PCDHGA3: variants seen among roughly 807,000 people sequenced by gnomAD.
PCDHGA3 encodes protocadherin gamma subfamily A, 3, also known as protocadherin gamma-A3.
A neutral mutation model predicts 58.5 loss-of-function variants in PCDHGA3; 40 were observed. The ratio of observed to expected loss-of-function variants is 0.68; its 90% CI spans 0.53 to 0.89. The LOEUF (loss-of-function observed/expected upper bound fraction) is 0.89. Among genes scored for constraint, PCDHGA3 ranks in the 40% least tolerant of loss-of-function variants. The pLI, the probability that PCDHGA3 is intolerant of heterozygous loss-of-function variation, is 0.00. For missense variants in PCDHGA3, 1,223 were observed against 1,195.9 expected (o/e 1.02, Z -0.33); for synonymous variants, 530 against 525.7 (o/e 1.01, Z -0.11).
Position 141,371,259 on chromosome 5 carries a change from A to T in PCDHGA3, c.2424+24802A>T, listed in dbSNP as rs767414793. 5 of 1,613,926 alleles carry T rather than the reference A, an allele frequency of 3.1e-6. No individual in the cohort carries two copies. In the African/African-American group the frequency reaches 6.7e-5, roughly 22 times the overall value. ...CTTCATCAATATTGGCAAGGAAGTG[A>T]GACAACTGTTCAAGCTGGACAGTAA... On this transcript the variant is annotated intron_variant, in intron 1 of 3. Transcript: ENST00000253812.
At chr5:141,454,964 C>T (rs1283179107) in intron 1 of PCDHGA3, among the ~76,000 whole-genome samples, 10 of 151,622 alleles carry the variant, frequency 6.6e-5, no homozygotes, top group African/African-American at 2.4e-4. Flanking sequence ...CCGGCCACCA[C>T]GCCTGGCTAA....
At chr5:141,388,632 A>C in intron 1 of PCDHGA3, 1 of 1,613,958 alleles carries the variant, frequency 6.2e-7, no homozygotes, top group Non-Finnish European at 8.5e-7. Context: ...ATACAGGGTG[A>C]GCCTTTCAGA....
chr5:141,399,026 A>C (rs1448827116), intron 1 of PCDHGA3: 1 of 1,613,886 alleles, frequency 6.2e-7, no homozygotes, highest in East Asian at 2.2e-5. Flanking sequence ...ATTACCACTC[A>C]AAAGAAACTG....
rs1271015462 is a variant in PCDHGA3, at chr5:141,344,790, G to A, written c.757G>A (p.Glu253Lys). Residue 253 changes from glutamate to lysine, a missense_variant, in exon 1 of 4, where the codon GAG (glutamate) becomes AAG (lysine). By Grantham distance (56) the Glu-to-Lys change is moderately conservative. Around this residue, in one of 3 missense-constraint regions of PCDHGA3, gnomAD observed 791 missense variants for 708.5 expected, o/e 1.12. Transcript: ENST00000253812. ...TQPEYRVSVW[E>K]NVPVGTRLLT... ...GCCTGAGTACCGTGTGAGTGTTTGGGAGAACGTGCCTGTGGGTACCCGGCT... is the reference window on the plus strand; with the variant it reads ...GCCTGAGTACCGTGTGAGTGTTTGGAAGAACGTGCCTGTGGGTACCCGGCT... The A allele has an allele frequency of 1.9e-6, 3 of 1,613,972 alleles. No individual in the cohort carries two copies. The highest frequency in any genetic ancestry group is 2.5e-6 in the Non-Finnish European group (3 of 1,179,890).
chr5:141,445,973 G>A (rs563637331), intron 1 of PCDHGA3, among the ~76,000 whole-genome samples: 28 of 152,326 alleles, frequency 1.8e-4, no homozygotes, highest in African/African-American at 6.0e-4. Flanking sequence ...ATTGATTTAT[G>A]AGGGTTATAA....
intron 1 of PCDHGA3, chr5:141,413,638 C>T (rs768604791): frequency 4.8e-5 from 78 of 1,613,686 alleles, no homozygotes; most frequent in Middle Eastern, 1.6e-4. Flanking sequence ...TGCGGGAATG[C>T]GTTTTCCTCT....
chr5:141,413,190 G>A (rs965319802), intron 1 of PCDHGA3: 11 of 1,607,556 alleles, frequency 6.8e-6, no homozygotes, highest in East Asian at 2.2e-5. Flanking sequence ...CCGCTCAAAG[G>A]AATCGCTCAA....
At chr5:141,390,385 C>A in intron 1 of PCDHGA3, 1 of 1,430,582 alleles carries the variant, frequency 7.0e-7, no homozygotes, top group Non-Finnish European at 9.5e-7. Context: ...TTTTAGATGT[C>A]ATGGATCATT....
chr5:141,472,980 C>CAAAAAAAAA (rs60579131), intron 1 of PCDHGA3, among the ~76,000 whole-genome samples: 30 of 86,054 alleles, frequency 3.5e-4, no homozygotes, highest in African/African-American at 5.0e-4. Context: ...GAGTGAAACT[C>CAAAAAAAAA]AAAAAAAAAA....
At chr5:141,463,650 A>C (rs1206605758) in intron 1 of PCDHGA3, among the ~76,000 whole-genome samples, 1 of 151,746 alleles carries the variant, frequency 6.6e-6, no homozygotes, top group Non-Finnish European at 1.5e-5. Flanking sequence ...ACGGGGTTTC[A>C]CCGTGTTAGC....
rs2098680935 is a variant in PCDHGA3, at chr5:141,450,471, G to A, written c.2425-44336G>A. 2.0e-5 allele frequency among the ~76,000 whole-genome samples: 3 copies of A among 147,910 alleles called. No homozygotes were observed. In the South Asian group the frequency reaches 6.2e-4, roughly 31 times the overall value. ...GTTTCCTCGTGATTTTATATATAGA[G>A]TTTGTTTGTTTGTTTGTCTGTTTGT... On this transcript the variant is annotated intron_variant, in intron 1 of 3. Transcript: ENST00000253812.
At chr5:141,376,387 G>C (rs772638473) in intron 1 of PCDHGA3, 1 of 1,614,218 alleles carries the variant, frequency 6.2e-7, no homozygotes, top group Admixed American at 1.7e-5. Flanking sequence ...AGAGTCATCT[G>C]ATTTTCCCCC....
chr5:141,413,926 T>C, intron 1 of PCDHGA3: 4 of 1,613,380 alleles, frequency 2.5e-6, no homozygotes, highest in Non-Finnish European at 3.4e-6. Flanking sequence ...CTTGCCAGAA[T>C]ACCGAGTGAG....
intron 1 of PCDHGA3, 78 bp from the exon 2 acceptor site, chr5:141,494,729 C>CG: frequency 6.2e-7 from 1 of 1,610,168 alleles, no homozygotes; most frequent in South Asian, 1.1e-5. Context: ...CCTTCTCTCC[C>CG]GGCCCATCCC....
In PCDHGA3 at chr5:141,392,850, C is replaced by T. The variant is rs752526573; in HGVS notation, c.2424+46393C>T. ...ACAGAGTCGCCCCAGACGCGGCGAG[C>T]TGATCCTGCTGTGCGCGCTGCTGGG... On this transcript the variant is annotated intron_variant, in intron 1 of 3. Coordinates refer to ENST00000253812, the MANE Select transcript of PCDHGA3 (RefSeq NM_018916.4). The T allele has an allele frequency of 3.1e-6, 5 of 1,610,550 alleles. No homozygotes were observed. In the African/African-American group the frequency reaches 5.3e-5, roughly 17 times the overall value.
At chr5:141,427,770 C>T (rs775095791) in intron 1 of PCDHGA3, 2 of 1,399,194 alleles carry the variant, frequency 1.4e-6, no homozygotes, top group Non-Finnish European at 2.0e-6. Context: ...TGACTTGGAG[C>T]TGCGGGCACT....
At chr5:141,388,457 C>A in intron 1 of PCDHGA3, 1 of 1,613,814 alleles carries the variant, frequency 6.2e-7, no homozygotes, top group Non-Finnish European at 8.5e-7. Flanking sequence ...GCAGTAAATA[C>A]CCTGAGATGG....
chr5:141,384,594 G>A (rs769496358), intron 1 of PCDHGA3: 6 of 1,614,162 alleles, frequency 3.7e-6, no homozygotes, highest in East Asian at 2.2e-5. Context: ...TCCTGTACCC[G>A]GCCCTCCCCA....
chr5:141,402,714 T>G (rs1024254405), intron 1 of PCDHGA3, among the ~76,000 whole-genome samples: 2 of 152,220 alleles, frequency 1.3e-5, no homozygotes, highest in African/African-American at 4.8e-5. Flanking sequence ...TAGTAACGGC[T>G]TAGGACTCTG....
Sources: gnomAD v4.1 joint callset for allele counts (sites outside exome capture counted in the v4.1 genomes callset) on GRCh38, gnomAD v4.1.1 for gene constraint, gnomAD v4.1.1 regional missense constraint, MANE v1.5 for transcripts, NCBI Gene and HGNC (gene_info 2026-07-23, HGNC 2026-07-21) for gene names.